The following DNAAF4 variants were observed in gnomAD, a reference collection of about 807,000 sequenced individuals.
DNAAF4 encodes the protein dynein assembly factor 4, axonemal.
DNAAF4 carries 43 observed loss-of-function variants against 51.8 expected under a neutral mutation model. That is an observed-to-expected ratio of 0.83 (90% CI 0.65 to 1.07). The LOEUF (loss-of-function observed/expected upper bound fraction) is 1.07, where lower values mean the gene tolerates loss of function less well. Ranked by LOEUF, DNAAF4 falls within the 50% of genes least tolerant of loss-of-function variation. The pLI, the probability that DNAAF4 is intolerant of heterozygous loss-of-function variation, is 0.00. For synonymous variants in DNAAF4, 194 were observed against 165.6 expected (o/e 1.17, Z -1.32); for missense variants, 581 against 493.0 (o/e 1.18, Z -1.69).
At chr15:55,508,004 G>C (rs1283910933) in intron 1 of DNAAF4, 118 bp downstream of exon 1, 1 of 152,132 alleles carries the variant, frequency 6.6e-6, no homozygotes, top group Non-Finnish European at 1.5e-5. Flanking sequence ...CAGAAGTTCT[G>C]GAAGTGGGGC....
chr15:55,457,660 C>G (rs922412164), intron 5 of DNAAF4, among the ~76,000 whole-genome samples: 1 of 152,192 alleles, frequency 6.6e-6, no homozygotes, highest in Non-Finnish European at 1.5e-5. Context: ...AAGGAGAAAA[C>G]AACAGCTAAT....
intron 7 of DNAAF4, chr15:55,418,414 A>G: frequency 6.5e-7 from 1 of 1,529,892 alleles, no homozygotes; most frequent in South Asian, 1.2e-5. Context: ...GTGAATTTCT[A>G]CCTATTCCAC....
At chr15:55,463,723 C>A (rs752322714) in intron 5 of DNAAF4, among the ~76,000 whole-genome samples, 18 of 151,790 alleles carry the variant, frequency 1.2e-4, no homozygotes, top group Non-Finnish European at 2.4e-4. Flanking sequence ...AAACAAAAAA[C>A]CAAAATACTT....
At chr15:55,476,360 G>A (rs2058334843) in intron 4 of DNAAF4, among the ~76,000 whole-genome samples, 1 of 152,036 alleles carries the variant, frequency 6.6e-6, no homozygotes, top group South Asian at 2.1e-4. Flanking sequence ...GGCTGGGGCA[G>A]GAAGACTGCT....
At chr15:55,485,495 C>T (rs149427103) in intron 4 of DNAAF4, among the ~76,000 whole-genome samples, 1 of 152,074 alleles carries the variant, frequency 6.6e-6, no homozygotes, top group Non-Finnish European at 1.5e-5. Context: ...ATCAGGCAAA[C>T]CTCTTTCAAA....
rs750814401 is a variant in DNAAF4 at position 55,491,143 on chromosome 15, C to G, written c.385G>C (p.Ala129Pro). Reference protein sequence around the residue: ...AAAKREDQKYALSVMMKIEEE... With the variant: ...AAAKREDQKYPLSVMMKIEEE... ...CTTACCTTCATCATGACACTTAGTG[C>G]GTATTTTTGATCTTCCCGCTTTGCT... The change falls in exon 4 of 10, where the codon GCA becomes CCA. Residue 129 changes from alanine to proline, a missense_variant. Ala to Pro is a conservative substitution (Grantham distance 27, BLOSUM62 -1). Transcript: ENST00000321149. 2 of 1,613,978 alleles carry G rather than the reference C, an allele frequency of 1.2e-6. No homozygotes were observed. Among genetic ancestry groups the G allele is most frequent in the South Asian group, 2.2e-5 (2 of 91,080 alleles).
intron 1 of DNAAF4, among the ~76,000 whole-genome samples, chr15:55,505,947 C>T (rs2058725160): frequency 6.6e-6 from 1 of 152,070 alleles, no homozygotes; most frequent in Non-Finnish European, 1.5e-5. Context: ...TACATTTTAT[C>T]CAGAAAGGGG....
intron 6 of DNAAF4, among the ~76,000 whole-genome samples, chr15:55,443,919 G>A (rs1456272170): frequency 6.6e-6 from 1 of 152,148 alleles, no homozygotes; most frequent in Non-Finnish European, 1.5e-5. Context: ...GTTTGTTTGA[G>A]TTCTTTGTAG....
chr15:55,445,999 T>C (rs1382044411), intron 6 of DNAAF4, among the ~76,000 whole-genome samples: 86 of 67,890 alleles, frequency 1.3e-3, no homozygotes, highest in African/African-American at 1.6e-3. Context: ...CCAGACGGGG[T>C]GGCCGGGCAG....
At chr15:55,442,555 G>A in intron 6 of DNAAF4, 3 of 947,370 alleles carry the variant, frequency 3.2e-6, no homozygotes, top group Non-Finnish European at 5.2e-6. Context: ...GGATTCAGCA[G>A]TGAGGGAGCA....
downstream of DNAAF4, among the ~76,000 whole-genome samples, chr15:55,425,775 G>C (rs1224266009): frequency 6.6e-6 from 1 of 152,144 alleles, no homozygotes; most frequent in Non-Finnish European, 1.5e-5. Flanking sequence ...GAACCCTTTT[G>C]CTTGATGTAA....
At chr15:55,497,881 G>C (rs1243441719) in intron 2 of DNAAF4, 22 bp from the exon 3 acceptor site, 1 of 1,576,742 alleles carries the variant, frequency 6.3e-7, no homozygotes, top group Non-Finnish European at 8.6e-7. Flanking sequence ...GGTGAAAACA[G>C]AAACTAAGTT....
intron 6 of DNAAF4, among the ~76,000 whole-genome samples, chr15:55,445,428 A>G (rs1034147898): frequency 6.6e-6 from 1 of 152,120 alleles, no homozygotes; most frequent in Non-Finnish European, 1.5e-5. Context: ...GGAGTCTCCT[A>G]TGTCTACTTC....
At chr15:55,421,211 C>T (rs1595883014) in intron 7 of DNAAF4, among the ~76,000 whole-genome samples, 1 of 148,106 alleles carries the variant, frequency 6.8e-6, no homozygotes, top group Non-Finnish European at 1.5e-5. Flanking sequence ...AAAAAATTCT[C>T]AGGATACTCC....
chr15:55,449,458 T>C (rs957049294), intron 6 of DNAAF4, among the ~76,000 whole-genome samples: 10 of 147,554 alleles, frequency 6.8e-5, no homozygotes, highest in Non-Finnish European at 1.0e-4. Flanking sequence ...AGGTCAGGAG[T>C]TTGAGACCAG....
intron 5 of DNAAF4, among the ~76,000 whole-genome samples, chr15:55,455,363 T>C (rs968845392): frequency 1.4e-5 from 2 of 142,492 alleles, no homozygotes; most frequent in African/African-American, 5.3e-5. Flanking sequence ...ATGTGACAAC[T>C]GCTTATAAAA....
chr15:55,442,994 AG>A, intron 6 of DNAAF4: 2 of 1,611,570 alleles, frequency 1.2e-6, no homozygotes, highest in Non-Finnish European at 8.5e-7. Flanking sequence ...ACGTATTCAA[AG>A]CCCAGGCCAT....
chr15:55,425,424 C>A (rs1223127071), downstream of DNAAF4, among the ~76,000 whole-genome samples: 1 of 152,208 alleles, frequency 6.6e-6, no homozygotes, highest in Non-Finnish European at 1.5e-5. Context: ...ACCCAACCTA[C>A]TCCTTGGCTA....
At chr15:55,436,460 T>C (rs1221057775) in intron 7 of DNAAF4, among the ~76,000 whole-genome samples, 1 of 152,160 alleles carries the variant, frequency 6.6e-6, no homozygotes, top group African/African-American at 2.4e-5. Context: ...CTCAGCTCAC[T>C]GCAACCTCTA....
Sources: gnomAD v4.1 joint callset for allele counts (sites outside exome capture counted in the v4.1 genomes callset) on GRCh38, gnomAD v4.1.1 for gene constraint, MANE v1.5 for transcripts, NCBI Gene and HGNC (gene_info 2026-07-23, HGNC 2026-07-21) for gene names.